The following PALLD variants were observed in gnomAD, a reference collection of about 807,000 sequenced individuals.
PALLD encodes palladin.
Under a neutral mutation model 123.5 loss-of-function variants are expected in PALLD, and 61 were observed. That is an observed-to-expected ratio of 0.49 (90% CI 0.40 to 0.61). The LOEUF is 0.61. Ranked by LOEUF, PALLD falls within the 20% of genes least tolerant of loss-of-function variation. PALLD has a pLI of 0.00. For missense variants in PALLD, 1,273 were observed against 1,377.0 expected, an observed-to-expected ratio of 0.92 and a Z score of 1.20; for synonymous variants, 465 against 496.4, an observed-to-expected ratio of 0.94 and a Z score of 0.84.
intron 17 of PALLD, among the ~76,000 whole-genome samples, chr4:168,917,620 A>G (rs7690555): frequency 0.7 from 106,318 of 152,046 alleles, 38,538 homozygotes; most frequent in East Asian, 0.96. Flanking sequence ...TTCTGTATGG[A>G]ATATGAGAAC....
intron 2 of PALLD, among the ~76,000 whole-genome samples, chr4:168,593,879 A>C (rs1580476696): frequency 3.3e-5 from 5 of 152,354 alleles, no homozygotes; most frequent in Admixed American, 3.3e-4. Flanking sequence ...CTAATGATTA[A>C]AAATTTTTAA....
intron 2 of PALLD, among the ~76,000 whole-genome samples, chr4:168,515,573 A>G (rs998180365): frequency 6.6e-6 from 1 of 152,192 alleles, no homozygotes; most frequent in Non-Finnish European, 1.5e-5. Context: ...ACTGGGAGGT[A>G]AGTGAGGTAT....
intron 2 of PALLD, among the ~76,000 whole-genome samples, chr4:168,594,107 G>C (rs568907322): frequency 6.6e-6 from 1 of 152,090 alleles, no homozygotes; most frequent in Non-Finnish European, 1.5e-5. Flanking sequence ...AAGAAGTAGA[G>C]GTTATATATA....
chr4:168,556,212 C>T (rs1767282751), intron 2 of PALLD, among the ~76,000 whole-genome samples: 1 of 152,054 alleles, frequency 6.6e-6, no homozygotes, highest in South Asian at 2.1e-4. Context: ...TCTCCTGCCT[C>T]GGCCTCCAGA....
intron 2 of PALLD, among the ~76,000 whole-genome samples, chr4:168,581,150 A>G (rs1005629773): frequency 6.6e-6 from 1 of 152,024 alleles, no homozygotes; most frequent in African/African-American, 2.4e-5. Context: ...ATTAAAAAAA[A>G]ATACCCAGAT....
intron 2 of PALLD, among the ~76,000 whole-genome samples, chr4:168,540,878 T>C (rs1765545657): frequency 6.6e-6 from 1 of 152,120 alleles, no homozygotes. Context: ...TTAAATTAGC[T>C]GTAAGGAGTT....
At chr4:168,588,464 C>T (rs1331345849) in intron 2 of PALLD, among the ~76,000 whole-genome samples, 3 of 151,914 alleles carry the variant, frequency 2.0e-5, no homozygotes, top group South Asian at 2.1e-4. Flanking sequence ...AGTGCAGTGG[C>T]GTGCTCACCT....
At chr4:168,593,063 T>A (rs1457140287) in intron 2 of PALLD, among the ~76,000 whole-genome samples, 1 of 152,134 alleles carries the variant, frequency 6.6e-6, no homozygotes, top group Non-Finnish European at 1.5e-5. Flanking sequence ...ATAAGAGACT[T>A]CATAAAGTAT....
intron 10 of PALLD, among the ~76,000 whole-genome samples, chr4:168,818,977 G>A (rs1193387729): frequency 6.6e-6 from 1 of 152,082 alleles, no homozygotes. Flanking sequence ...TAGATTTTTT[G>A]TCATCTTTAT....
chr4:168,925,582 TTG>T (rs1472711831), intron 21 of PALLD, among the ~76,000 whole-genome samples: 1 of 152,220 alleles, frequency 6.6e-6, no homozygotes, highest in Admixed American at 6.5e-5. Context: ...AGCAGTAGAC[TTG>T]TGTTTGTATA....
chr4:168,816,716 A>G (rs28712451), intron 10 of PALLD, among the ~76,000 whole-genome samples: 4,269 of 151,860 alleles, frequency 0.028, 207 homozygotes, highest in African/African-American at 0.098. Context: ...CTGGTCCTTT[A>G]TGGTTTCCAA....
At chr4:168,699,357 G>A (rs1290203794) in intron 8 of PALLD, among the ~76,000 whole-genome samples, 1 of 152,170 alleles carries the variant, frequency 6.6e-6, no homozygotes, top group African/African-American at 2.4e-5. Context: ...AGGATTACAG[G>A]CGTGAGTTAC....
At chr4:168,510,616 T>C (rs909713237) in intron 1 of PALLD, among the ~76,000 whole-genome samples, 31 of 152,350 alleles carry the variant, frequency 2.0e-4, no homozygotes, top group African/African-American at 5.5e-4. Context: ...AGAATGTTTT[T>C]CTCATTTTAA....
At chr4:168,647,945 A>G (rs1408205066) in intron 2 of PALLD, 1 of 151,992 alleles carries the variant, frequency 6.6e-6, no homozygotes, top group Non-Finnish European at 1.5e-5. Context: ...AGAATTAAAT[A>G]TTTTCCTTAT....
chr4:168,551,303 C>T (rs1766705359), intron 2 of PALLD, among the ~76,000 whole-genome samples: 1 of 152,120 alleles, frequency 6.6e-6, no homozygotes. Flanking sequence ...TCTGAGGAAA[C>T]TCTAGGGCAA....
At chr4:168,668,586 A>C (rs1389388632) in intron 3 of PALLD, among the ~76,000 whole-genome samples, 1 of 152,234 alleles carries the variant, frequency 6.6e-6, no homozygotes, top group African/African-American at 2.4e-5. Context: ...TTAATGTAGA[A>C]TGTTTCCACT....
intron 2 of PALLD, among the ~76,000 whole-genome samples, chr4:168,606,234 T>C (rs1414484537): frequency 1.3e-5 from 2 of 152,158 alleles, no homozygotes; most frequent in Non-Finnish European, 2.9e-5. Flanking sequence ...TTGTTGTTGT[T>C]GTTGTTACTT....
At chr4:168,752,239 C>T (rs375652729) in intron 10 of PALLD, among the ~76,000 whole-genome samples, 5 of 152,278 alleles carry the variant, frequency 3.3e-5, no homozygotes, top group African/African-American at 7.2e-5. Flanking sequence ...CTGGGCTTGG[C>T]GGCATGCGCC....
chr4:168,738,628 ACCATGTTGGCCAGGCTGGCCTCGATCT>A (rs929416269), intron 10 of PALLD, among the ~76,000 whole-genome samples: 2 of 147,446 alleles, frequency 1.4e-5, no homozygotes, highest in Non-Finnish European at 3.0e-5. Context: ...ACGGGGTTTC[ACCATGTTGGCCAGGCTGGCCTCGATCT>A]CCTGACCTCA....
Sources: allele counts gnomAD v4.1 joint callset (sites outside exome capture counted in the v4.1 genomes callset), GRCh38; gene constraint gnomAD v4.1.1; transcripts MANE v1.5; gene names NCBI Gene and HGNC (gene_info 2026-07-23, HGNC 2026-07-21).